Variants in SLC2A12 observed in about 807,000 individuals in gnomAD.
SLC2A12 encodes solute carrier family 2, facilitated glucose transporter member 12.
SLC2A12 carries 23 observed loss-of-function variants against 41.8 expected under a neutral mutation model. The observed-to-expected ratio is 0.55, with a 90% confidence interval of 0.40 to 0.78. The LOEUF is 0.78. Among genes scored for constraint, SLC2A12 ranks in the 30% least tolerant of loss-of-function variants. The probability of loss-of-function intolerance (pLI) is 0.00; values close to 1 mark genes in which losing one functional copy is unlikely to be tolerated. For missense variants in SLC2A12, 654 were observed against 745.6 expected, an observed-to-expected ratio of 0.88 and a Z score of 1.43; for synonymous variants, 295 against 285.9, an observed-to-expected ratio of 1.03 and a Z score of -0.32.
intron 4 of SLC2A12, among the ~76,000 whole-genome samples, chr6:133,997,188 C>T (rs777219050): frequency 2.0e-5 from 3 of 150,772 alleles, no homozygotes; most frequent in East Asian, 2.0e-4. Flanking sequence ...ACCTGGGAGG[C>T]GGAGCTTACA....
intron 2 of SLC2A12, among the ~76,000 whole-genome samples, chr6:134,007,343 G>GT (rs1319981165): frequency 6.6e-6 from 1 of 152,204 alleles, no homozygotes; most frequent in African/African-American, 2.4e-5. Context: ...GGACTGGGCT[G>GT]TTTCCTCAGC....
chr6:134,045,991 T>C (rs994573325), intron 1 of SLC2A12, among the ~76,000 whole-genome samples: 2 of 152,218 alleles, frequency 1.3e-5, no homozygotes, highest in Non-Finnish European at 2.9e-5. Context: ...TTTCTGCAGC[T>C]TAGTTTCCCA....
Position 133,989,182 on chromosome 6 carries a change from T to TACTGTA in SLC2A12, c.*1967_*1972dup, listed in dbSNP as rs1334026708. 1 of 152,148 alleles carries TACTGTA rather than the reference T, an allele frequency of 6.6e-6. No individual in the cohort carries two copies. Among genetic ancestry groups the TACTGTA allele is most frequent in the African/African-American group, 2.4e-5 (1 of 41,442 alleles). The allele number at this position is 152,148 out of a possible 1,614,324, so 9.4% of individuals were successfully genotyped here. A position where few individuals can be genotyped will look rare whatever the true frequency, so the allele number is the denominator to read the frequency against. ...ATGTCTTCTGCTGGCTCTCCATAAG[T>TACTGTA]ACTGTAAATTTTTTTTATAAATAAA... On this transcript the variant is annotated 3_prime_UTR_variant, in exon 5 of 5. Coordinates refer to ENST00000275230, the MANE Select transcript of SLC2A12 (RefSeq NM_145176.3).
At chr6:134,008,171 G>A (rs145211184) in intron 2 of SLC2A12, among the ~76,000 whole-genome samples, 8 of 152,242 alleles carry the variant, frequency 5.3e-5, no homozygotes, top group South Asian at 2.1e-4. Flanking sequence ...GGGAGAGGCC[G>A]CTCTGGCCAG....
intron 1 of SLC2A12, among the ~76,000 whole-genome samples, chr6:134,050,072 C>T (rs1256013118): frequency 1.3e-5 from 2 of 152,120 alleles, no homozygotes; most frequent in Non-Finnish European, 2.9e-5. Context: ...GAGTATTTGA[C>T]AAATATTACC....
intron 1 of SLC2A12, among the ~76,000 whole-genome samples, chr6:134,037,293 A>G (rs1189362512): frequency 6.8e-6 from 1 of 148,112 alleles, no homozygotes; most frequent in Admixed American, 6.8e-5. Flanking sequence ...ATTCATTTTT[A>G]AAGGGCCAGC....
chr6:134,006,839 T>C lies in SLC2A12; in HGVS notation c.1540A>G (p.Ile514Val), dbSNP rs1273966692. The change falls in exon 3 of 5, where the codon ATC becomes GTC. Residue 514 changes from isoleucine (I) to valine (V), a missense_variant. By Grantham distance (29) the Ile-to-Val change is conservative. Transcript: ENST00000275230. ...GTTACAGTCAAAAATGTCAGCGAGA[T>C]GAGGAGATTGATGCCCCAGTTCATG... The part of the protein sequence containing the change: ...SSMNWGINLL[I>V]SLTFLTVTDL... 8 of 1,613,962 alleles carry C rather than the reference T, an allele frequency of 5.0e-6. No homozygotes were observed. In the East Asian group the frequency reaches 1.3e-4, roughly 27 times the overall value.
intron 4 of SLC2A12, among the ~76,000 whole-genome samples, chr6:133,997,789 C>G (rs1341785281): frequency 1.3e-5 from 2 of 152,140 alleles, no homozygotes; most frequent in Non-Finnish European, 2.9e-5. Context: ...CATGTAGCCT[C>G]TGATTCTAAA....
chr6:134,042,022 T>C (rs973820941), intron 1 of SLC2A12, among the ~76,000 whole-genome samples: 6 of 152,338 alleles, frequency 3.9e-5, no homozygotes, highest in African/African-American at 1.4e-4. Flanking sequence ...GTAAAAGATG[T>C]ATCTGTACTT....
At chr6:134,040,087 T>G (rs1777362597) in intron 1 of SLC2A12, among the ~76,000 whole-genome samples, 1 of 150,956 alleles carries the variant, frequency 6.6e-6, no homozygotes, top group Non-Finnish European at 1.5e-5. Flanking sequence ...TTGTTTTTTG[T>G]TTTTTTTGAG....
chr6:133,987,766 C>G lies in SLC2A12; in HGVS notation c.*3389G>C, dbSNP rs553308028. 1 of 152,018 alleles carries G rather than the reference C, an allele frequency of 6.6e-6. No homozygotes were observed. Among genetic ancestry groups the G allele is most frequent in the South Asian group, 2.1e-4 (1 of 4,802 alleles). 9.4% of individuals were successfully genotyped at this position (152,018 alleles called of 1,614,324 possible). ...AGAAATAAAAACGTGTATATAAACTCTAGGGAACCAGACTAGAAGTTTATA... is the reference window on the plus strand; with the variant it reads ...AGAAATAAAAACGTGTATATAAACTGTAGGGAACCAGACTAGAAGTTTATA... On this transcript the variant is annotated 3_prime_UTR_variant, in exon 5 of 5. Coordinates refer to ENST00000275230, the MANE Select transcript of SLC2A12 (RefSeq NM_145176.3).
At chr6:134,039,716 G>T (rs1777354516) in intron 1 of SLC2A12, among the ~76,000 whole-genome samples, 1 of 152,188 alleles carries the variant, frequency 6.6e-6, no homozygotes, top group Non-Finnish European at 1.5e-5. Flanking sequence ...AATCCCGAAT[G>T]TTGGAGGTGG....
Position 133,991,132 on chromosome 6 carries a change from A to G in SLC2A12, c.*23T>C, listed in dbSNP as rs2114409823. On this transcript the variant is annotated 3_prime_UTR_variant, in exon 5 of 5. Transcript: ENST00000275230. ...CCTCCTAAGTGTTCTGGCACTATCC[A>G]CGTTCAGAAGGTGTTGAGGCCATTA... 6.2e-6 allele frequency: 10 copies of G among 1,600,710 alleles called. No individual in the cohort carries two copies. Among genetic ancestry groups the G allele is most frequent in the Non-Finnish European group, 8.5e-6 (10 of 1,175,808 alleles).
At chr6:134,000,520 T>C (rs1776743619) in intron 4 of SLC2A12, among the ~76,000 whole-genome samples, 2 of 152,254 alleles carry the variant, frequency 1.3e-5, no homozygotes, top group Admixed American at 1.3e-4. Context: ...TTTCAAAGTA[T>C]TTTTAAAAGA....
In SLC2A12 at chr6:134,032,725, T is replaced by A. The variant is rs533230958; in HGVS notation, c.104-3004A>T. Among the ~76,000 whole-genome samples, 8 of 135,136 alleles carry A rather than the reference T, an allele frequency of 5.9e-5. No homozygotes were observed. In the East Asian group the frequency reaches 1.6e-3, roughly 28 times the overall value. 88.7% of individuals were successfully genotyped at this position (135,136 alleles called of 152,430 possible). On this transcript the variant is annotated intron_variant, in intron 1 of 4. Transcript: ENST00000275230. ...ATTCTAATTCACTGTATAAGGCTAG[T>A]CCTTAATGCTTCTGAGATTGTGGCT...
intron 1 of SLC2A12, among the ~76,000 whole-genome samples, chr6:134,043,002 C>A (rs1777403916): frequency 6.7e-6 from 1 of 149,248 alleles, no homozygotes; most frequent in South Asian, 2.1e-4. Flanking sequence ...AAAACAAAAA[C>A]CAAACACACA....
At chr6:134,006,176 G>GAAAAAAAAAAAAAAAA (rs1182572567) in intron 3 of SLC2A12, among the ~76,000 whole-genome samples, 6 of 61,772 alleles carry the variant, frequency 9.7e-5, no homozygotes, top group Non-Finnish European at 1.3e-4. Flanking sequence ...GAGACTATCG[G>GAAAAAAAAAAAAAAAA]AAAAAAAAAA....
At chr6:134,000,591 C>A (rs1456400489) in intron 4 of SLC2A12, among the ~76,000 whole-genome samples, 2 of 152,144 alleles carry the variant, frequency 1.3e-5, no homozygotes, top group Non-Finnish European at 2.9e-5. Flanking sequence ...CAATAAGTAT[C>A]CCTGCATTTC....
intron 1 of SLC2A12, among the ~76,000 whole-genome samples, chr6:134,044,000 G>T (rs1280997641): frequency 2.0e-5 from 3 of 151,936 alleles, no homozygotes; most frequent in African/African-American, 7.3e-5. Flanking sequence ...GAATTCCGAA[G>T]TATTGGAAGC....
Sources: gnomAD v4.1 joint callset for allele counts (sites outside exome capture counted in the v4.1 genomes callset) on GRCh38, gnomAD v4.1.1 for gene constraint, MANE v1.5 for transcripts, NCBI Gene and HGNC (gene_info 2026-07-23, HGNC 2026-07-21) for gene names.